The following ASAH1 variants were observed in gnomAD, a reference collection of about 807,000 sequenced individuals.
The protein encoded by ASAH1 is N-acylsphingosine amidohydrolase 1, also known as acid ceramidase.
A neutral mutation model predicts 59.5 loss-of-function variants in ASAH1; 70 were observed. The ratio of observed to expected loss-of-function variants is 1.18; its 90% CI spans 0.97 to 1.43. The LOEUF is 1.43. Among genes scored for constraint, ASAH1 ranks in the 40% most tolerant of loss-of-function variants. ASAH1 has a pLI of 0.00. For synonymous variants in ASAH1, 213 were observed against 166.5 expected (o/e 1.28, Z -2.15); for missense variants, 660 against 482.5 (o/e 1.37, Z -3.45).
chr8:18,061,784 C>G (rs371258132), intron 8 of ASAH1, 44 bp from the exon 9 acceptor site: 1 of 1,522,660 alleles, frequency 6.6e-7, no homozygotes, highest in Non-Finnish European at 8.9e-7. Flanking sequence ...ATCAACCATG[C>G]GCTTTAAGGC....
At chr8:18,058,752 T>A in intron 13 of ASAH1, 83 bp downstream of exon 13, 1 of 1,274,296 alleles carries the variant, frequency 7.8e-7, no homozygotes, top group South Asian at 1.2e-5. Context: ...GTGCTCAAAC[T>A]GATCAAAGAT....
intron 6 of ASAH1, 174 bp from the exon 7 acceptor site, chr8:18,063,404 A>G (rs1016959324): frequency 2.0e-5 from 13 of 653,088 alleles, no homozygotes; most frequent in African/African-American, 1.5e-4. Flanking sequence ...CCCAGGTTCA[A>G]GCAATTCTTG....
intron 1 of ASAH1, among the ~76,000 whole-genome samples, chr8:18,083,719 T>C (rs944476165): frequency 6.6e-6 from 1 of 152,244 alleles, no homozygotes; most frequent in African/African-American, 2.4e-5. Context: ...AATCTAAGAA[T>C]GTGCGAATCA....
Position 18,075,560 on chromosome 8 carries a change from A to C in ASAH1, c.106T>G (p.Tyr36Asp), listed in dbSNP as rs781294134. ...PWTEDCRKST[Y>D]PPSGPTYRGA... Reference sequence around the variant, plus strand: ...ACTCACGTTGGTCCTGAAGGAGGATAGGTTGATTTTCTGCAGTCCTCTGTC... The same window carrying C: ...ACTCACGTTGGTCCTGAAGGAGGATCGGTTGATTTTCTGCAGTCCTCTGTC... The change falls in exon 2 of 14, where the codon TAT becomes GAT. Residue 36 changes from tyrosine to aspartate, a missense_variant. Tyr to Asp is a radical substitution (Grantham distance 160). Coordinates refer to ENST00000637790, the MANE Select transcript of ASAH1 (RefSeq NM_177924.5). 1 of 1,614,188 alleles carries C rather than the reference A, an allele frequency of 6.2e-7. No individual in the cohort carries two copies. The highest frequency in any genetic ancestry group is 8.5e-7 in the Non-Finnish European group (1 of 1,180,014).
chr8:18,082,681 C>G (rs768705981), intron 1 of ASAH1: 1 of 152,190 alleles, frequency 6.6e-6, no homozygotes, highest in Non-Finnish European at 1.5e-5. Context: ...AACCGAAGTT[C>G]AAATTCTGTA....
At chr8:18,064,856 A>G in intron 5 of ASAH1, 1 of 251,668 alleles carries the variant, frequency 4.0e-6, no homozygotes, top group Non-Finnish European at 7.7e-6. Context: ...ATCATTTAAT[A>G]CATCTGGCTC....
chr8:18,071,788 T>TG (rs1444199363), intron 2 of ASAH1, among the ~76,000 whole-genome samples: 5 of 152,170 alleles, frequency 3.3e-5, no homozygotes, highest in Non-Finnish European at 7.3e-5. Flanking sequence ...CAGAATTCTC[T>TG]CTCAGAGAGT....
At chr8:18,057,897 A>T (rs1799536451) in intron 13 of ASAH1, 1 of 175,776 alleles carries the variant, frequency 5.7e-6, no homozygotes, top group Admixed American at 6.2e-5. Flanking sequence ...CTCAGGAAAG[A>T]ATCTCCAGCT....
chr8:18,061,354 A>G (rs1353351243), intron 10 of ASAH1, 23 bp downstream of exon 10: 1 of 1,566,066 alleles, frequency 6.4e-7, no homozygotes, highest in South Asian at 1.1e-5. Flanking sequence ...AATATTTAAT[A>G]GTAAAGCAAC....
In ASAH1 at chr8:18,061,751, G is replaced by T. The variant is rs747251091; in HGVS notation, c.649-11C>A. ...AAGACTGAACAGTCCCTGAGAAAAA[G>T]ACAAAGCAACGAAGTCAGAAACATC... On this transcript the variant is annotated splice_polypyrimidine_tract_variant and intron_variant, in intron 8 of 13. Coordinates refer to ENST00000637790, the MANE Select transcript of ASAH1 (RefSeq NM_177924.5). 3 of 1,565,162 alleles carry T rather than the reference G, an allele frequency of 1.9e-6. No homozygotes were observed. Among genetic ancestry groups the T allele is most frequent in the Non-Finnish European group, 2.6e-6 (3 of 1,153,408 alleles).
chr8:18,066,386 C>A (rs1799927707), intron 5 of ASAH1: 3 of 147,680 alleles, frequency 2.0e-5, no homozygotes, highest in African/African-American at 2.5e-5. Flanking sequence ...GGCAAAAGAC[C>A]TTCACAAGCC....
chr8:18,067,327 T>A, intron 4 of ASAH1, 29 bp from the exon 5 acceptor site: 1 of 1,378,764 alleles, frequency 7.3e-7, no homozygotes, highest in South Asian at 1.5e-5. Flanking sequence ...AATAAAAGCA[T>A]TTAACATAAT....
chr8:18,070,759 A>C (rs1800136811), intron 3 of ASAH1, among the ~76,000 whole-genome samples: 1 of 152,234 alleles, frequency 6.6e-6, no homozygotes, highest in Non-Finnish European at 1.5e-5. Context: ...CACTTAACGT[A>C]TAGGGCAGAA....
chr8:18,063,000 G>C (rs1799771969), intron 7 of ASAH1, 185 bp downstream of exon 7: 3 of 587,850 alleles, frequency 5.1e-6, no homozygotes, highest in African/African-American at 3.8e-5. Flanking sequence ...CTCCCAAGTA[G>C]CCGGGATTAC....
At chr8:18,072,076 G>A (rs113060216) in intron 2 of ASAH1, among the ~76,000 whole-genome samples, 4,727 of 152,294 alleles carry the variant, frequency 0.031, 108 homozygotes, top group South Asian at 0.052. Flanking sequence ...TCACTTATCA[G>A]TGAAGCTGGG....
Position 18,058,855 on chromosome 8 carries a change from T to C in ASAH1, c.1078A>G (p.Thr360Ala). ...AATACCTTGTTGAGGACAGGTTTTGTTGACAGGACATCATACATGGTTTCA... is the reference window on the plus strand; with the variant it reads ...AATACCTTGTTGAGGACAGGTTTTGCTGACAGGACATCATACATGGTTTCA... Reference protein sequence around the residue: ...SFETMYDVLSTKPVLNKLTVY... With the variant: ...SFETMYDVLSAKPVLNKLTVY... Residue 360 changes from threonine to alanine, a missense_variant, in exon 13 of 14, where the codon ACA becomes GCA. Physicochemically the swap from Thr to Ala is moderately conservative, Grantham distance 58. Coordinates refer to ENST00000637790, the MANE Select transcript of ASAH1 (RefSeq NM_177924.5). 4 of 1,612,656 alleles carry C rather than the reference T, an allele frequency of 2.5e-6. No homozygotes were observed. Among genetic ancestry groups the C allele is most frequent in the Non-Finnish European group, 3.4e-6 (4 of 1,178,632 alleles).
chr8:18,064,974 A>C (rs1799871536), intron 5 of ASAH1: 1 of 157,714 alleles, frequency 6.3e-6, no homozygotes, highest in Non-Finnish European at 1.4e-5. Flanking sequence ...CAGAGCTGCC[A>C]AGAAACTCCA....
At chr8:18,066,615 C>G (rs1351606502) in intron 5 of ASAH1, 1 of 152,090 alleles carries the variant, frequency 6.6e-6, no homozygotes, top group Non-Finnish European at 1.5e-5. Context: ...AACTGAAACT[C>G]TCATACTCTG....
In ASAH1 at chr8:18,057,448, G is replaced by C; in HGVS notation, c.*86C>G. On this transcript the variant is annotated 3_prime_UTR_variant, in exon 14 of 14. Transcript: ENST00000637790. ...GAACCTGCCGCGAGTCTTAGTCTTT[G>C]GAAGGTCAGACAGCTGCAGTGTTCG... 9.4e-7 allele frequency: 1 copy of C among 1,067,804 alleles called. No individual in the cohort carries two copies. Among genetic ancestry groups the C allele is most frequent in the East Asian group, 2.8e-5 (1 of 35,324 alleles). 66.1% of individuals were successfully genotyped at this position (1,067,804 alleles called of 1,614,324 possible).
Sources: allele counts gnomAD v4.1 joint callset (sites outside exome capture counted in the v4.1 genomes callset), GRCh38; gene constraint gnomAD v4.1.1; transcripts MANE v1.5; gene names NCBI Gene and HGNC (gene_info 2026-07-23, HGNC 2026-07-21).